The following PPARGC1A variants were observed in gnomAD, a reference collection of about 807,000 sequenced individuals.
The protein encoded by PPARGC1A is PPARG coactivator 1 alpha.
In PPARGC1A, 25 loss-of-function variants were observed where a neutral mutation model predicts 88.7. The ratio of observed to expected loss-of-function variants is 0.28; its 90% CI spans 0.21 to 0.39. The LOEUF is 0.39. Ranked by LOEUF, PPARGC1A falls within the 10% of genes least tolerant of loss-of-function variation. The pLI is 1.00. For missense variants in PPARGC1A, 880 were observed against 968.7 expected, an observed-to-expected ratio of 0.91 and a Z score of 1.22; for synonymous variants, 363 against 355.6, an observed-to-expected ratio of 1.02 and a Z score of -0.24.
the PPARGC1A span, among the ~76,000 whole-genome samples, chr4:23,935,668 C>T: frequency 2.6e-5 from 4 of 152,196 alleles, no homozygotes; most frequent in South Asian, 2.1e-4. Flanking sequence ...TAACAAACCA[C>T]GTGGTAGACA....
chr4:24,434,253 A>C, the PPARGC1A span, among the ~76,000 whole-genome samples: 1 of 152,226 alleles, frequency 6.6e-6, no homozygotes, highest in Non-Finnish European at 1.5e-5. Context: ...CCCTCAGGAA[A>C]GTCGGATCTG....
At chr4:24,353,842 G>A in the PPARGC1A span, among the ~76,000 whole-genome samples, 1 of 152,202 alleles carries the variant, frequency 6.6e-6, no homozygotes, top group African/African-American at 2.4e-5. Context: ...AGCCCTTCCT[G>A]ATTGCAGGGT....
At chr4:24,231,783 T>C in the PPARGC1A span, among the ~76,000 whole-genome samples, 2 of 152,106 alleles carry the variant, frequency 1.3e-5, no homozygotes, top group Non-Finnish European at 2.9e-5. Context: ...CCAGCCCTTT[T>C]CTTGTCAAAT....
chr4:23,919,592 A>G, the PPARGC1A span, among the ~76,000 whole-genome samples: 145 of 151,356 alleles, frequency 9.6e-4, 3 homozygotes, highest in Non-Finnish European at 8.1e-4. Context: ...TTTAAGAGGC[A>G]GCTCAGATTT....
At position 23,832,651 on chromosome 4, in the gene PPARGC1A, C is replaced by T. The variant is rs191171537; in HGVS notation, c.235-900G>A. On this transcript the variant is annotated intron_variant, in intron 2 of 12. Coordinates refer to ENST00000264867, the MANE Select transcript of PPARGC1A (RefSeq NM_013261.5). The stretch of plus-strand genomic sequence containing the variant: ...TTGAGACAGGGTCTTGCTCTATCGC[C>T]CAGACTGGAGTGCAGTGGCGCGATC... 8.7e-5 allele frequency among the ~76,000 whole-genome samples: 13 copies of T among 150,006 alleles called. No individual in the cohort carries two copies. The East Asian group carries it at 9.8e-4, about 11-fold the overall frequency.
the PPARGC1A span, among the ~76,000 whole-genome samples, chr4:24,221,614 A>C: frequency 6.6e-6 from 1 of 152,180 alleles, no homozygotes; most frequent in African/African-American, 2.4e-5. Flanking sequence ...AATGTATAAA[A>C]TGGTAAGTTT....
chr4:24,146,759 A>C, the PPARGC1A span, among the ~76,000 whole-genome samples: 1 of 152,222 alleles, frequency 6.6e-6, no homozygotes, highest in African/African-American at 2.4e-5. Context: ...CATGCAACAA[A>C]CATTAGCACC....
At chr4:24,339,237 TACACACACACAC>T in the PPARGC1A span, among the ~76,000 whole-genome samples, 1 of 104,266 alleles carries the variant, frequency 9.6e-6, no homozygotes, top group Non-Finnish European at 1.9e-5. Context: ...TATATATATA[TACACACACACAC>T]ACACACACAC....
chr4:23,815,885 A>G (rs1448716604), intron 7 of PPARGC1A, among the ~76,000 whole-genome samples: 1 of 152,162 alleles, frequency 6.6e-6, no homozygotes, highest in Non-Finnish European at 1.5e-5. Flanking sequence ...AAAAAATGCT[A>G]CCTTGCTGGA....
At chr4:24,336,570 A>T in the PPARGC1A span, among the ~76,000 whole-genome samples, 1 of 152,230 alleles carries the variant, frequency 6.6e-6, no homozygotes, top group Non-Finnish European at 1.5e-5. Flanking sequence ...GTTCATATAT[A>T]TCACTAATGA....
chr4:24,170,530 G>A, the PPARGC1A span, among the ~76,000 whole-genome samples: 2 of 152,192 alleles, frequency 1.3e-5, no homozygotes, highest in Non-Finnish European at 2.9e-5. Flanking sequence ...TCTAGTTGGT[G>A]AAATGAAAGG....
At chr4:24,288,890 A>G in the PPARGC1A span, among the ~76,000 whole-genome samples, 1 of 152,138 alleles carries the variant, frequency 6.6e-6, no homozygotes, top group Non-Finnish European at 1.5e-5. Context: ...TTTGCTGACC[A>G]AGACTTGTAC....
At chr4:23,901,694 G>A (rs1217823874), upstream of PPARGC1A, among the ~76,000 whole-genome samples, 1 of 152,154 alleles carries the variant, frequency 6.6e-6, no homozygotes, top group Non-Finnish European at 1.5e-5. Context: ...TACACACAGA[G>A]GGAAGAAGGG....
chr4:23,948,575 A>C, the PPARGC1A span, among the ~76,000 whole-genome samples: 1 of 152,202 alleles, frequency 6.6e-6, no homozygotes, highest in Non-Finnish European at 1.5e-5. Flanking sequence ...ATCTCACTGG[A>C]AAAGGAAGTA....
chr4:24,132,518 G>A, the PPARGC1A span, among the ~76,000 whole-genome samples: 4 of 152,126 alleles, frequency 2.6e-5, no homozygotes, highest in Non-Finnish European at 5.9e-5. Flanking sequence ...TTTAGTCAGC[G>A]ATTGTACCTC....
the PPARGC1A span, among the ~76,000 whole-genome samples, chr4:24,238,743 ATATGTGTGTG>A: frequency 1.8e-3 from 209 of 118,638 alleles, no homozygotes; most frequent in East Asian, 9.9e-3. Flanking sequence ...CCAAGGTTGT[ATATGTGTGTG>A]TGTGTGTGTG....
chr4:24,049,077 G>A, the PPARGC1A span, among the ~76,000 whole-genome samples: 1 of 151,202 alleles, frequency 6.6e-6, no homozygotes, highest in African/African-American at 2.4e-5. Context: ...AAAAACTCTG[G>A]TATTTATATG....
the PPARGC1A span, among the ~76,000 whole-genome samples, chr4:24,463,732 AAT>A: frequency 3.3e-5 from 5 of 152,236 alleles, no homozygotes; most frequent in Non-Finnish European, 5.9e-5. Context: ...CTTCCAAATA[AAT>A]ATGACAGCAA....
At chr4:23,801,936 C>G in intron 11 of PPARGC1A, 55 bp from the exon 12 acceptor site, 1 of 1,594,482 alleles carries the variant, frequency 6.3e-7, no homozygotes, top group Middle Eastern at 1.7e-4. Flanking sequence ...GTATATGGGA[C>G]TGTAACCCTT....
Sources: allele counts gnomAD v4.1 joint callset (sites outside exome capture counted in the v4.1 genomes callset), GRCh38; gene constraint gnomAD v4.1.1; transcripts MANE v1.5; gene names NCBI Gene and HGNC (gene_info 2026-07-23, HGNC 2026-07-21).